RNF17: variants seen among roughly 807,000 people sequenced by gnomAD.
RNF17 encodes ring finger protein 17.
A neutral mutation model predicts 200.5 loss-of-function variants in RNF17; 31 were observed. That is an observed-to-expected ratio of 0.15 (90% CI 0.12 to 0.21). The LOEUF is 0.21. Among genes scored for constraint, RNF17 ranks in the 10% least tolerant of loss-of-function variants. The pLI, the probability that RNF17 is intolerant of heterozygous loss-of-function variation, is 1.00. For synonymous variants in RNF17, 606 were observed against 637.8 expected (o/e 0.95, Z 0.75); for missense variants, 1,628 against 1,905.1 (o/e 0.85, Z 2.71).
At position 24,802,706 on chromosome 13, in the gene RNF17, A is replaced by G. The variant is rs957347615; in HGVS notation, c.1949+135A>G. 2.8e-5 allele frequency: 18 copies of G among 639,042 alleles called. No homozygotes were observed. In the African/African-American group the frequency reaches 3.0e-4, roughly 11 times the overall value. The allele number at this position is 639,042 out of a possible 1,614,324, so 39.6% of individuals were successfully genotyped here. On this transcript the variant is annotated intron_variant, in intron 14 of 35. Coordinates refer to ENST00000255324, the MANE Select transcript of RNF17 (RefSeq NM_031277.3). Reference sequence around the variant, plus strand: ...AAGAAGTGAAAAATATTGCTCTTAGACTTTTCTGAGTACAGTTGTTGTCTG... The same window carrying G: ...AAGAAGTGAAAAATATTGCTCTTAGGCTTTTCTGAGTACAGTTGTTGTCTG...
At chr13:24,794,217 T>C (rs1232187107) in intron 10 of RNF17, 1 of 456,632 alleles carries the variant, frequency 2.2e-6, no homozygotes, top group African/African-American at 2.0e-5. Context: ...TCAGAAAAAC[T>C]CATCTGTTCC....
chr13:24,796,953 CTTGA>C (rs1046071486), intron 11 of RNF17, among the ~76,000 whole-genome samples: 7 of 152,084 alleles, frequency 4.6e-5, no homozygotes, highest in Admixed American at 2.0e-4. Context: ...TCTGTCTAGT[CTTGA>C]TTGTCATTTA....
intron 9 of RNF17, among the ~76,000 whole-genome samples, chr13:24,792,479 C>G (rs1388615320): frequency 6.6e-6 from 1 of 151,982 alleles, no homozygotes; most frequent in East Asian, 1.9e-4. Context: ...TTGTATAAGT[C>G]AAAGCAGAGG....
At chr13:24,802,360 G>A in intron 13 of RNF17, 21 bp from the exon 14 acceptor site, 1 of 1,580,096 alleles carries the variant, frequency 6.3e-7, no homozygotes. Flanking sequence ...AATTACTATG[G>A]AATTTTACTT....
chr13:24,759,734 G>C (rs1268097708), upstream of RNF17, among the ~76,000 whole-genome samples: 1 of 152,144 alleles, frequency 6.6e-6, no homozygotes, highest in Non-Finnish European at 1.5e-5. Context: ...GAAGGAATGA[G>C]AGAGGGAGAG....
the RNF17 span, chr13:24,885,534 TAA>T: frequency 1.8e-5 from 23 of 1,280,472 alleles, no homozygotes; most frequent in Non-Finnish European, 2.5e-5. Context: ...TTAGAAACGT[TAA>T]GTCTATTAAC....
At chr13:24,802,890 C>T (rs770320623) in intron 14 of RNF17, among the ~76,000 whole-genome samples, 19 of 152,002 alleles carry the variant, frequency 1.2e-4, no homozygotes, top group Non-Finnish European at 1.8e-4. Context: ...GTCTCTACAA[C>T]GAAATACAAA....
chr13:24,861,434 T>A, intron 27 of RNF17, 47 bp downstream of exon 27: 2 of 1,242,520 alleles, frequency 1.6e-6, no homozygotes, highest in East Asian at 5.6e-5. Flanking sequence ...AATATTAGTT[T>A]TTATTAATAA....
At chr13:24,842,004 A>G in intron 18 of RNF17, 37 bp from the exon 19 acceptor site, 2 of 1,573,002 alleles carry the variant, frequency 1.3e-6, no homozygotes, top group South Asian at 1.2e-5. Flanking sequence ...ATTTTGTGAC[A>G]TATTTCTTTC....
At chr13:24,847,604 C>T (rs1366867003) in intron 22 of RNF17, among the ~76,000 whole-genome samples, 3 of 152,118 alleles carry the variant, frequency 2.0e-5, no homozygotes, top group African/African-American at 7.2e-5. Context: ...CCTCGGCCTC[C>T]CAAGGTGCTG....
chr13:24,802,560 G>T lies in RNF17; in HGVS notation c.1938G>T (p.Met646Ile), dbSNP rs1885377328. The change falls in exon 14 of 36, where the codon ATG becomes ATT. Residue 646 changes from methionine (M) to isoleucine (I), a missense_variant. By Grantham distance (10) the Met-to-Ile change is conservative (BLOSUM62 1). Coordinates refer to ENST00000255324, the MANE Select transcript of RNF17 (RefSeq NM_031277.3). The part of the protein sequence containing the change: ...PVSLRDALVF[M>I]ELAKFKSQSL... ...CTCTTAGAGATGCGCTAGTTTTTAT[G>T]GAACTAGCAAAGTAAGTAACTTATT... The T allele has an allele frequency of 1.2e-6, 2 of 1,603,042 alleles. No individual in the cohort carries two copies.
intron 9 of RNF17, 87 bp downstream of exon 9, chr13:24,789,859 A>C (rs2137628832): frequency 1.2e-6 from 1 of 804,522 alleles, no homozygotes; most frequent in Non-Finnish European, 2.1e-6. Context: ...TGTTTAGTGT[A>C]ATTCAAAAGC....
chr13:24,795,209 T>A (rs1417994024), intron 10 of RNF17, among the ~76,000 whole-genome samples: 1 of 152,158 alleles, frequency 6.6e-6, no homozygotes, highest in Non-Finnish European at 1.5e-5. Context: ...TAGTCTTTGT[T>A]TTTTAAACAA....
chr13:24,863,848 C>T (rs1214507126), intron 28 of RNF17, among the ~76,000 whole-genome samples: 1 of 152,168 alleles, frequency 6.6e-6, no homozygotes, highest in Non-Finnish European at 1.5e-5. Flanking sequence ...GCCACACAAC[C>T]CAGCCGACAG....
chr13:24,752,975 G>A, the RNF17 span, among the ~76,000 whole-genome samples: 173 of 151,832 alleles, frequency 1.1e-3, no homozygotes, highest in African/African-American at 3.8e-3. Context: ...ACTCCCCCTC[G>A]CCCAGGCCAC....
the RNF17 span, among the ~76,000 whole-genome samples, chr13:24,749,308 T>TTTC: frequency 1.3e-3 from 2 of 1,568 alleles, no homozygotes; most frequent in African/African-American, 2.0e-3. Flanking sequence ...TCTTTCTTTC[T>TTTC]TTTTTTTTTT....
chr13:24,853,942 T>C lies in RNF17; in HGVS notation c.3408T>C (p.Cys1136=). ...LEQEDSVVTN[C]IKTNFDPDKK... The stretch of plus-strand genomic sequence containing the variant: ...AGGAAGATTCAGTAGTTACTAACTG[T>C]ATTAAAACTAACTTTGACCCTGACA... The change falls in exon 25 of 36, where the codon TGT becomes TGC. Residue 1136 remains cysteine, a synonymous_variant. Transcript: ENST00000255324. The C allele has an allele frequency of 6.2e-7, 1 of 1,614,034 alleles. No homozygotes were observed. Among genetic ancestry groups the C allele is most frequent in the Non-Finnish European group, 8.5e-7 (1 of 1,179,918 alleles).
chr13:24,755,978 G>A, the RNF17 span, among the ~76,000 whole-genome samples: 1 of 152,102 alleles, frequency 6.6e-6, no homozygotes, highest in East Asian at 1.9e-4. Flanking sequence ...TATTCGACAT[G>A]TTTTGCTATT....
intron 5 of RNF17, 79 bp downstream of exon 5, chr13:24,779,826 A>C: frequency 8.9e-7 from 1 of 1,125,714 alleles, no homozygotes; most frequent in Non-Finnish European, 1.3e-6. Flanking sequence ...AGATGTTACC[A>C]CTGAGGTTAG....
Sources: allele counts gnomAD v4.1 joint callset (sites outside exome capture counted in the v4.1 genomes callset), GRCh38; gene constraint gnomAD v4.1.1; transcripts MANE v1.5; gene names NCBI Gene and HGNC (gene_info 2026-07-23, HGNC 2026-07-21).